The following NRP2 variants were observed in gnomAD, a reference collection of about 807,000 sequenced individuals.
NRP2 encodes neuropilin 2, also known as neuropilin-2.
Under a neutral mutation model 110.4 loss-of-function variants are expected in NRP2, and 52 were observed. That is an observed-to-expected ratio of 0.47 (90% confidence interval 0.38 to 0.59). NRP2 has a LOEUF of 0.59. Among genes scored for constraint, NRP2 ranks in the 20% least tolerant of loss-of-function variants. The pLI, the probability that NRP2 is intolerant of heterozygous loss-of-function variation, is 0.00. For synonymous variants in NRP2, 508 were observed against 468.9 expected, an observed-to-expected ratio of 1.08 and a Z score of -1.08; for missense variants, 1,049 against 1,203.0, an observed-to-expected ratio of 0.87 and a Z score of 1.89.
intron 2 of NRP2, among the ~76,000 whole-genome samples, chr2:205,705,237 T>C (rs2056650358): frequency 6.6e-6 from 1 of 151,930 alleles, no homozygotes; most frequent in Non-Finnish European, 1.5e-5. Context: ...GAAAAGAGCT[T>C]CTGTAATCGT....
At chr2:205,766,985 T>G (rs2057933204) in intron 15 of NRP2, 182 bp downstream of exon 15, 2 of 639,918 alleles carry the variant, frequency 3.1e-6, no homozygotes, top group East Asian at 2.7e-5. Flanking sequence ...GGAAGGGGAT[T>G]GAGAGCCTCA....
chr2:205,776,098 G>T lies in NRP2; in HGVS notation c.2425+9295G>T, dbSNP rs72941295. ...GCAATCGTTGAGAAGTGCTTGGCAG[G>T]TGCTAAGGACTGAGTACCACCTTAG... On this transcript the variant is annotated intron_variant, in intron 15 of 16. Transcript: ENST00000357785. The T allele has an allele frequency of 3.7e-6, 3 of 819,572 alleles. No individual in the cohort carries two copies. In the Admixed American group the frequency reaches 5.1e-5, roughly 14 times the overall value. The allele number at this position is 819,572 out of a possible 1,614,324, so 50.8% of individuals were successfully genotyped here.
At chr2:205,709,922 A>G (rs923173685) in intron 2 of NRP2, among the ~76,000 whole-genome samples, 5 of 152,292 alleles carry the variant, frequency 3.3e-5, no homozygotes, top group Admixed American at 3.3e-4. Context: ...AAAAATTAAT[A>G]TGTTATCCCA....
rs2057526982 is a variant in NRP2, at chr2:205,745,782, A to G, written c.1678A>G (p.Ile560Val). The change falls in exon 10 of 17, where the codon ATC (isoleucine) becomes GTC (valine). Residue 560 changes from isoleucine (I) to valine (V), a missense_variant. By Grantham distance (29) the Ile-to-Val change is conservative (BLOSUM62 3). Coordinates refer to ENST00000357785, the MANE Select transcript of NRP2 (RefSeq NM_003872.3). The stretch of plus-strand genomic sequence containing the variant: ...GAACATGCACTATGACACCCCTGAC[A>G]TCCGAAGGTTTGACCCCATTCCGGC... ...EGNMHYDTPD[I>V]RRFDPIPAQY... 2 of 1,614,208 alleles carry G rather than the reference A, an allele frequency of 1.2e-6. No individual in the cohort carries two copies. The highest frequency in any genetic ancestry group is 1.7e-6 in the Non-Finnish European group (2 of 1,180,030).
intron 12 of NRP2, among the ~76,000 whole-genome samples, chr2:205,762,948 C>T (rs1057303004): frequency 1.3e-5 from 2 of 152,184 alleles, no homozygotes; most frequent in African/African-American, 2.4e-5. Context: ...AACACACAGC[C>T]TTTGTTAATG....
In NRP2 at chr2:205,723,624, A is replaced by G. The variant is rs905087545; in HGVS notation, c.665-161A>G. ...GAAAGTGCTTTTTGATGTGCAGGAAAAATATTAGCCATTGTTCTTGAAACA... is the reference window on the plus strand; with the variant it reads ...GAAAGTGCTTTTTGATGTGCAGGAAGAATATTAGCCATTGTTCTTGAAACA... On this transcript the variant is annotated intron_variant, in intron 4 of 16. Transcript: ENST00000357785. 3.9e-5 allele frequency among the ~76,000 whole-genome samples: 6 copies of G among 152,238 alleles called. No individual in the cohort carries two copies. In the South Asian group the frequency reaches 1.2e-3, roughly 31 times the overall value.
At position 205,686,316 on chromosome 2, in the gene NRP2, C is replaced by A. The variant is rs2056162106; in HGVS notation, c.73+2953C>A. Among the ~76,000 whole-genome samples, 1 of 152,172 alleles carries A rather than the reference C, an allele frequency of 6.6e-6. No homozygotes were observed. Among genetic ancestry groups the A allele is most frequent in the Non-Finnish European group, 1.5e-5 (1 of 68,034 alleles). On this transcript the variant is annotated intron_variant, in intron 1 of 16. Coordinates refer to ENST00000357785, the MANE Select transcript of NRP2 (RefSeq NM_003872.3). This position sits in a 1 kb window ranked among gnomAD's most constrained non-coding sequence, Gnocchi z 4.7. The stretch of plus-strand genomic sequence containing the variant: ...CCGGAAAGTTAGGTCTCGGCTGCAG[C>A]GCTGGTCTCTGGAGAAGCCTCTGCC...
chr2:205,776,222 C>T, intron 15 of NRP2: 1 of 1,604,616 alleles, frequency 6.2e-7, no homozygotes, highest in South Asian at 1.1e-5. Context: ...AGCCTAGCAA[C>T]ACTCTTCTGT....
chr2:205,683,929 TA>T (rs1261899439), intron 1 of NRP2, among the ~76,000 whole-genome samples: 1 of 152,158 alleles, frequency 6.6e-6, no homozygotes, highest in Admixed American at 6.5e-5. Context: ...GTGGCTGAGA[TA>T]GGGGCTTGGG....
chr2:205,770,404 C>T (rs189315677), intron 15 of NRP2, among the ~76,000 whole-genome samples: 2 of 152,200 alleles, frequency 1.3e-5, no homozygotes, highest in Admixed American at 6.5e-5. Context: ...GGGGGTAATG[C>T]TGGCTGGCAT....
intron 12 of NRP2, among the ~76,000 whole-genome samples, chr2:205,758,744 A>G (rs1170772177): frequency 6.6e-6 from 1 of 152,170 alleles, no homozygotes; most frequent in African/African-American, 2.4e-5. Flanking sequence ...TCAGCAATGG[A>G]ACATATTTCC....
chr2:205,726,338 T>C (rs1025867553), intron 6 of NRP2, among the ~76,000 whole-genome samples: 1 of 152,214 alleles, frequency 6.6e-6, no homozygotes, highest in Non-Finnish European at 1.5e-5. Flanking sequence ...GCCAGGATGC[T>C]GTTTGCCCTA....
rs2105979782 is a variant in NRP2 at position 205,794,849 on chromosome 2, G to A, written c.2572G>A (p.Asp858Asn). 7 of 1,614,154 alleles carry A rather than the reference G, an allele frequency of 4.3e-6. No individual in the cohort carries two copies. The highest frequency in any genetic ancestry group is 5.9e-6 in the Non-Finnish European group (7 of 1,180,028). Residue 858 changes from aspartate (D) to asparagine (N), a missense_variant, in exon 17 of 17, where the codon GAT becomes AAT. By Grantham distance (23) the Asp-to-Asn change is conservative. Transcript: ENST00000357785. ...AGAAAAGAGCTGGCTGTACACCCTG[G>A]ATCCCATCCTCATCACCATCATCGC... ...DKEKSWLYTL[D>N]PILITIIAMS...
intron 15 of NRP2, among the ~76,000 whole-genome samples, chr2:205,769,505 T>TACACACAC (rs56837273): frequency 0.096 from 13,994 of 145,052 alleles, 1,107 homozygotes; most frequent in East Asian, 0.38. Context: ...TATACATACA[T>TACACACAC]ACACACACAC....
At chr2:205,714,349 C>A (rs2056853370) in intron 2 of NRP2, among the ~76,000 whole-genome samples, 1 of 152,172 alleles carries the variant, frequency 6.6e-6, no homozygotes, top group Non-Finnish European at 1.5e-5. Context: ...CTGGGCCATG[C>A]ATTTCTTAGT....
chr2:205,705,839 A>G (rs547744202), intron 2 of NRP2, among the ~76,000 whole-genome samples: 101 of 152,118 alleles, frequency 6.6e-4, no homozygotes, highest in African/African-American at 2.4e-3. Context: ...CCCAGTGCTT[A>G]GGTATTTGGG....
intron 15 of NRP2, chr2:205,776,508 C>A: frequency 6.2e-7 from 1 of 1,606,722 alleles, no homozygotes; most frequent in South Asian, 1.1e-5. Flanking sequence ...TAGAGCAAGA[C>A]CGTGGCTCGC....
chr2:205,734,375 A>T (rs529345227), intron 7 of NRP2, among the ~76,000 whole-genome samples: 1 of 150,900 alleles, frequency 6.6e-6, no homozygotes, highest in East Asian at 2.0e-4. Flanking sequence ...AAAAAAGCCC[A>T]TTGCCTTCAT....
intron 2 of NRP2, among the ~76,000 whole-genome samples, chr2:205,710,915 TGA>T (rs748063441): frequency 3.9e-5 from 6 of 152,234 alleles, no homozygotes; most frequent in Non-Finnish European, 8.8e-5. Flanking sequence ...CAAATCACTT[TGA>T]CAGCATTTTA....
Sources: allele counts gnomAD v4.1 joint callset (sites outside exome capture counted in the v4.1 genomes callset), GRCh38; gene constraint gnomAD v4.1.1; non-coding constraint Gnocchi (gnomAD v3.1); transcripts MANE v1.5; gene names NCBI Gene and HGNC (gene_info 2026-07-23, HGNC 2026-07-21).